PDLIM5: variants seen among roughly 807,000 people sequenced by gnomAD.
The protein encoded by PDLIM5 is PDZ and LIM domain 5, also known as PDZ and LIM domain protein 5.
PDLIM5 carries 34 observed loss-of-function variants against 64.2 expected under a neutral mutation model. That is an observed-to-expected ratio of 0.53 (90% CI 0.40 to 0.71). The LOEUF (loss-of-function observed/expected upper bound fraction) is 0.71. Among genes scored for constraint, PDLIM5 ranks in the 30% least tolerant of loss-of-function variants. The pLI is 0.00. For synonymous variants in PDLIM5, 253 were observed against 269.1 expected, an observed-to-expected ratio of 0.94 and a Z score of 0.59; for missense variants, 683 against 733.6, an observed-to-expected ratio of 0.93 and a Z score of 0.80.
intron 2 of PDLIM5, among the ~76,000 whole-genome samples, chr4:94,495,095 C>T (rs1727259914): frequency 6.6e-6 from 1 of 152,156 alleles, no homozygotes; most frequent in African/African-American, 2.4e-5. Context: ...ACCACTGTTT[C>T]TGACATATAA....
At chr4:94,486,590 T>G (rs1560648438) in intron 2 of PDLIM5, among the ~76,000 whole-genome samples, 1 of 152,232 alleles carries the variant, frequency 6.6e-6, no homozygotes, top group Non-Finnish European at 1.5e-5. Context: ...TGGTATTTAC[T>G]AAGGAGTATT....
intron 7 of PDLIM5, among the ~76,000 whole-genome samples, chr4:94,591,509 C>T (rs892830029): frequency 6.6e-6 from 1 of 152,192 alleles, no homozygotes; most frequent in Non-Finnish European, 1.5e-5. Flanking sequence ...ACAGCCTTCA[C>T]GTGCCAGCCC....
At chr4:94,528,428 CTGCCTA>C (rs1189004465) in intron 3 of PDLIM5, among the ~76,000 whole-genome samples, 2 of 152,208 alleles carry the variant, frequency 1.3e-5, no homozygotes, top group Non-Finnish European at 2.9e-5. Context: ...ATACCTAGCA[CTGCCTA>C]TGTTATTTAC....
chr4:94,608,895 G>A (rs1426889549), intron 7 of PDLIM5, among the ~76,000 whole-genome samples: 1 of 151,936 alleles, frequency 6.6e-6, no homozygotes, highest in Non-Finnish European at 1.5e-5. Context: ...AGACCCTGAC[G>A]TTTTCTTTTC....
intron 2 of PDLIM5, among the ~76,000 whole-genome samples, chr4:94,500,081 G>A (rs1727778886): frequency 6.6e-6 from 1 of 152,164 alleles, no homozygotes; most frequent in African/African-American, 2.4e-5. Context: ...CCAATCCCCT[G>A]AGGATACCCA....
At chr4:94,496,447 T>C (rs1453199620) in intron 2 of PDLIM5, among the ~76,000 whole-genome samples, 3 of 152,164 alleles carry the variant, frequency 2.0e-5, no homozygotes, top group Non-Finnish European at 4.4e-5. Context: ...CCAGGAAATA[T>C]CTGGGTGAAC....
At chr4:94,515,803 T>A (rs1037613612) in intron 2 of PDLIM5, among the ~76,000 whole-genome samples, 1 of 152,232 alleles carries the variant, frequency 6.6e-6, no homozygotes, top group African/African-American at 2.4e-5. Context: ...TTTTAGTCTT[T>A]ATAATTATTT....
intron 2 of PDLIM5, among the ~76,000 whole-genome samples, chr4:94,458,928 T>C (rs537829331): frequency 1.3e-4 from 20 of 152,332 alleles, no homozygotes; most frequent in African/African-American, 4.3e-4. Flanking sequence ...TTGCTGTAGC[T>C]GGATGATCAC....
intron 2 of PDLIM5, among the ~76,000 whole-genome samples, chr4:94,489,932 A>C (rs532055964): frequency 6.6e-6 from 1 of 152,018 alleles, no homozygotes; most frequent in African/African-American, 2.4e-5. Context: ...TCTTTAATAT[A>C]TATCATGGGT....
intron 3 of PDLIM5, among the ~76,000 whole-genome samples, chr4:94,569,416 T>G (rs543349783): frequency 6.6e-6 from 1 of 152,118 alleles, no homozygotes; most frequent in African/African-American, 2.4e-5. Context: ...GCCTCCCAGG[T>G]TCAAGCAGTT....
intron 7 of PDLIM5, among the ~76,000 whole-genome samples, chr4:94,609,807 A>G (rs1738218871): frequency 6.6e-6 from 1 of 152,202 alleles, no homozygotes; most frequent in Non-Finnish European, 1.5e-5. Flanking sequence ...ATGCTTATAG[A>G]AATTCAGACT....
rs555787833 is a variant in PDLIM5 at position 94,652,576 on chromosome 4, T to C, written c.1284-1884T>C. 2.0e-5 allele frequency among the ~76,000 whole-genome samples: 3 copies of C among 152,296 alleles called. No individual in the cohort carries two copies. The East Asian group carries it at 5.8e-4, about 29-fold the overall frequency. ...AGGAACTCGTTGAATAGGATTGTTA[T>C]TTTATAAGTCAGTTGAAAATGATGG... On this transcript the variant is annotated intron_variant, in intron 9 of 12. Coordinates refer to ENST00000317968, the MANE Select transcript of PDLIM5 (RefSeq NM_006457.5).
chr4:94,625,784 G>T (rs141612656), intron 8 of PDLIM5, among the ~76,000 whole-genome samples: 1 of 152,088 alleles, frequency 6.6e-6, no homozygotes, highest in Non-Finnish European at 1.5e-5. Context: ...CTGATAGTCC[G>T]TATTGAACAG....
At chr4:94,540,877 C>T (rs1731747938) in intron 3 of PDLIM5, among the ~76,000 whole-genome samples, 1 of 152,078 alleles carries the variant, frequency 6.6e-6, no homozygotes, top group Non-Finnish European at 1.5e-5. Flanking sequence ...AATTGTTGTG[C>T]AGTTACAAAA....
chr4:94,517,191 T>C (rs2110118718), intron 2 of PDLIM5, among the ~76,000 whole-genome samples: 1 of 152,326 alleles, frequency 6.6e-6, no homozygotes, highest in South Asian at 2.1e-4. Context: ...TAGTACCTAT[T>C]GTTGGCAGGA....
intron 2 of PDLIM5, among the ~76,000 whole-genome samples, chr4:94,517,689 C>A (rs998590041): frequency 2.0e-5 from 3 of 152,160 alleles, no homozygotes; most frequent in Admixed American, 6.5e-5. Context: ...TTTACTATAT[C>A]TGATGGCATT....
chr4:94,497,455 C>T (rs984078332), intron 2 of PDLIM5, among the ~76,000 whole-genome samples: 3 of 152,110 alleles, frequency 2.0e-5, no homozygotes, highest in African/African-American at 7.2e-5. Flanking sequence ...GAAGGACTTA[C>T]ACTCACTGAA....
At chr4:94,592,244 G>T (rs1254114238) in intron 7 of PDLIM5, among the ~76,000 whole-genome samples, 1 of 152,184 alleles carries the variant, frequency 6.6e-6, no homozygotes, top group East Asian at 1.9e-4. Flanking sequence ...AGGATTTACT[G>T]AGTAAATGTA....
intron 2 of PDLIM5, among the ~76,000 whole-genome samples, chr4:94,487,940 G>A (rs1726503214): frequency 6.6e-6 from 1 of 152,128 alleles, no homozygotes; most frequent in Non-Finnish European, 1.5e-5. Flanking sequence ...TAGGACTAGG[G>A]AGTGGGTCTT....
Sources: gnomAD v4.1 joint callset for allele counts (sites outside exome capture counted in the v4.1 genomes callset) on GRCh38, gnomAD v4.1.1 for gene constraint, MANE v1.5 for transcripts, NCBI Gene and HGNC (gene_info 2026-07-23, HGNC 2026-07-21) for gene names.